Variants in SH3D19 observed in about 807,000 individuals in gnomAD.
The protein encoded by SH3D19 is SH3 domain-containing protein 19.
In SH3D19, 58 loss-of-function variants were observed where a neutral mutation model predicts 112.1. The observed-to-expected ratio is 0.52, with a 90% CI of 0.42 to 0.64. The LOEUF (loss-of-function observed/expected upper bound fraction) is 0.64, where lower values mean the gene tolerates loss of function less well. Ranked by LOEUF, SH3D19 falls within the 30% of genes least tolerant of loss-of-function variation. SH3D19 has a pLI of 0.00. For synonymous variants in SH3D19, 391 were observed against 448.5 expected, an observed-to-expected ratio of 0.87 and a Z score of 1.62; for missense variants, 1,090 against 1,263.4, an observed-to-expected ratio of 0.86 and a Z score of 2.08.
intron 2 of SH3D19, among the ~76,000 whole-genome samples, chr4:151,199,017 T>A (rs1273520340): frequency 2.4e-5 from 2 of 84,152 alleles, no homozygotes; most frequent in Non-Finnish European, 5.6e-5. Context: ...CCAGCTAACA[T>A]CTTTTTTTTT....
chr4:151,295,669 A>C (rs1376532620), intron 1 of SH3D19, among the ~76,000 whole-genome samples: 1 of 152,218 alleles, frequency 6.6e-6, no homozygotes, highest in Non-Finnish European at 1.5e-5. Context: ...TTGATACCTC[A>C]ACCCACTTAT....
At position 151,230,626 on chromosome 4, in the gene SH3D19, A is replaced by C. The variant is rs191815901; in HGVS notation, c.113-4540T>G. ...TTTTTTTTTTTTTTAATTGAGACAG[A>C]GTCTCACTCTGTCACCCAGGCTGGA... On this transcript the variant is annotated intron_variant, in intron 1 of 19. Transcript: ENST00000604030. Among the ~76,000 whole-genome samples, 1,221 of 149,788 alleles carry C rather than the reference A, an allele frequency of 8.2e-3. 16 individuals are homozygous for C. The highest frequency in any genetic ancestry group is 0.029 in the African/African-American group (1,164 of 40,540).
At chr4:151,322,591 T>C (rs780222095) in intron 1 of SH3D19, among the ~76,000 whole-genome samples, 24 of 151,636 alleles carry the variant, frequency 1.6e-4, no homozygotes, top group Non-Finnish European at 2.8e-4. Context: ...GAAACATAAA[T>C]ACATTTTATA....
chr4:151,181,203 A>T (rs1400584201), intron 3 of SH3D19, among the ~76,000 whole-genome samples: 1 of 152,216 alleles, frequency 6.6e-6, no homozygotes, highest in Non-Finnish European at 1.5e-5. Flanking sequence ...AGTTGCTTTC[A>T]TATCTCAGTA....
intron 1 of SH3D19, among the ~76,000 whole-genome samples, chr4:151,322,345 A>C (rs1347787015): frequency 3.3e-5 from 5 of 151,386 alleles, no homozygotes; most frequent in African/African-American, 1.2e-4. Flanking sequence ...AGGCATGAGA[A>C]TCACTTGAAC....
intron 1 of SH3D19, among the ~76,000 whole-genome samples, chr4:151,283,614 T>C (rs1580402708): frequency 6.6e-6 from 1 of 151,002 alleles, no homozygotes; most frequent in Admixed American, 6.6e-5. Flanking sequence ...AGCTCCTGGG[T>C]TCAATCAGTC....
chr4:151,218,519 C>A (rs778127592), intron 2 of SH3D19, among the ~76,000 whole-genome samples: 3 of 151,774 alleles, frequency 2.0e-5, no homozygotes, highest in Non-Finnish European at 4.4e-5. Flanking sequence ...ATCAAGCAAT[C>A]CTCCCACCGT....
At chr4:151,132,799 C>G (rs1386183741) in intron 16 of SH3D19, among the ~76,000 whole-genome samples, 1 of 152,156 alleles carries the variant, frequency 6.6e-6, no homozygotes. Flanking sequence ...TCATACCCAG[C>G]CTCTTTGCCA....
At chr4:151,283,200 G>T in intron 1 of SH3D19, 1 of 1,613,784 alleles carries the variant, frequency 6.2e-7, no homozygotes, top group East Asian at 2.2e-5. Flanking sequence ...CAATCCCATC[G>T]GTATCTTCTT....
intron 2 of SH3D19, among the ~76,000 whole-genome samples, chr4:151,217,054 A>G (rs531186998): frequency 2.5e-4 from 38 of 152,320 alleles, no homozygotes; most frequent in Non-Finnish European, 4.9e-4. Context: ...CAGATGCTGC[A>G]GCAAAAGTAA....
intron 1 of SH3D19, among the ~76,000 whole-genome samples, chr4:151,247,293 T>A (rs1771010980): frequency 1.3e-5 from 2 of 152,354 alleles, no homozygotes; most frequent in South Asian, 4.1e-4. Flanking sequence ...TCATTTTCTA[T>A]GTTCTAGAAC....
intron 1 of SH3D19, among the ~76,000 whole-genome samples, chr4:151,318,840 C>A (rs1309003019): frequency 6.6e-6 from 1 of 152,168 alleles, no homozygotes; most frequent in East Asian, 1.9e-4. Context: ...CCAAGACAGT[C>A]TGATTCTCTC....
Position 151,158,809 on chromosome 4 carries a change from A to T in SH3D19, c.1755+431T>A, listed in dbSNP as rs930966668. 6.6e-5 allele frequency among the ~76,000 whole-genome samples: 10 copies of T among 151,690 alleles called. 1 individual carries two copies. Among genetic ancestry groups the T allele is most frequent in the South Asian group, 4.2e-4 (2 of 4,746 alleles). On this transcript the variant is annotated intron_variant, in intron 9 of 19. Coordinates refer to ENST00000604030, the MANE Select transcript of SH3D19 (RefSeq NM_001378122.1). ...CACAGTAAAACACTATTTTTTAAATAAAAAAAATACATTTTTCTTAAATTT... is the reference window on the plus strand; with the variant it reads ...CACAGTAAAACACTATTTTTTAAATTAAAAAAATACATTTTTCTTAAATTT...
chr4:151,158,162 T>C (rs1756478448), intron 9 of SH3D19, among the ~76,000 whole-genome samples: 1 of 152,226 alleles, frequency 6.6e-6, no homozygotes, highest in East Asian at 1.9e-4. Context: ...GATCCCTATA[T>C]AGTATATGTA....
chr4:151,168,315 T>C (rs934185637), intron 7 of SH3D19, among the ~76,000 whole-genome samples: 2 of 152,132 alleles, frequency 1.3e-5, no homozygotes, highest in African/African-American at 4.8e-5. Context: ...GCAGGTGACA[T>C]TGTCTTTCCA....
intron 2 of SH3D19, among the ~76,000 whole-genome samples, chr4:151,221,755 A>G (rs1768092608): frequency 6.6e-6 from 1 of 152,212 alleles, no homozygotes; most frequent in Non-Finnish European, 1.5e-5. Flanking sequence ...GACAGTATAA[A>G]TAAGAGATTA....
At chr4:151,274,041 G>C (rs942725160) in intron 1 of SH3D19, among the ~76,000 whole-genome samples, 2 of 152,132 alleles carry the variant, frequency 1.3e-5, no homozygotes, top group African/African-American at 4.8e-5. Context: ...CAGAGTGAAT[G>C]CATAAACCAC....
At chr4:151,234,866 C>A (rs1212551825) in intron 1 of SH3D19, among the ~76,000 whole-genome samples, 1 of 150,574 alleles carries the variant, frequency 6.6e-6, no homozygotes, top group Admixed American at 6.6e-5. Context: ...CACCTCGCCT[C>A]CCCAGTAGCT....
chr4:151,200,081 C>G (rs75959153), intron 2 of SH3D19, among the ~76,000 whole-genome samples: 17 of 152,128 alleles, frequency 1.1e-4, no homozygotes, highest in Non-Finnish European at 2.9e-5. Flanking sequence ...AGACTGCAAG[C>G]CCTTATTAGA....
Sources: gnomAD v4.1 joint callset for allele counts (sites outside exome capture counted in the v4.1 genomes callset) on GRCh38, gnomAD v4.1.1 for gene constraint, MANE v1.5 for transcripts, NCBI Gene and HGNC (gene_info 2026-07-23, HGNC 2026-07-21) for gene names.